ANKRD44: variants seen among roughly 807,000 people sequenced by gnomAD.
ANKRD44 encodes the protein serine/threonine-protein phosphatase 6 regulatory ankyrin repeat subunit B.
ANKRD44 carries 35 observed loss-of-function variants against 116.0 expected under a neutral mutation model. The observed-to-expected ratio is 0.30, with a 90% confidence interval of 0.23 to 0.40. The LOEUF (loss-of-function observed/expected upper bound fraction) is 0.40. Among genes scored for constraint, ANKRD44 ranks in the 10% least tolerant of loss-of-function variants. ANKRD44 has a pLI of 1.00. For synonymous variants in ANKRD44, 435 were observed against 461.8 expected, an observed-to-expected ratio of 0.94 and a Z score of 0.74; for missense variants, 1,014 against 1,242.6, an observed-to-expected ratio of 0.82 and a Z score of 2.77.
chr2:197,103,482 C>T (rs2078351509), intron 9 of ANKRD44, among the ~76,000 whole-genome samples: 1 of 152,012 alleles, frequency 6.6e-6, no homozygotes, highest in Non-Finnish European at 1.5e-5. Context: ...ACAGCCTGAA[C>T]AAATTCACAG....
chr2:197,110,023 C>G (rs895480263), intron 9 of ANKRD44, among the ~76,000 whole-genome samples: 3 of 151,844 alleles, frequency 2.0e-5, no homozygotes, highest in Non-Finnish European at 2.9e-5. Flanking sequence ...GTCACCCAGG[C>G]TAGAGTGCAA....
At chr2:197,163,699 C>T (rs2080026458) in intron 2 of ANKRD44, among the ~76,000 whole-genome samples, 1 of 152,144 alleles carries the variant, frequency 6.6e-6, no homozygotes, top group African/African-American at 2.4e-5. Flanking sequence ...AGTGCAGTGG[C>T]TCACTGCAAC....
Position 197,058,386 on chromosome 2 carries a change from A to G in ANKRD44, c.1650+20317T>C, listed in dbSNP as rs1000431863. On this transcript the variant is annotated intron_variant, in intron 16 of 27. Coordinates refer to ENST00000282272, the MANE Select transcript of ANKRD44 (RefSeq NM_001195144.2). ...TCACAGAGGTGTTCTCCCCGCATTT[A>G]GGCTGTGAATCTTTTTTTTTTTTTT... 4.5e-5 allele frequency among the ~76,000 whole-genome samples: 6 copies of G among 133,928 alleles called. No individual in the cohort carries two copies. The East Asian group carries it at 9.4e-4, about 21-fold the overall frequency. 87.9% of individuals were successfully genotyped at this position (133,928 alleles called of 152,430 possible). A position where few individuals can be genotyped will look rare whatever the true frequency, so the allele number is the denominator to read the frequency against.
intron 16 of ANKRD44, among the ~76,000 whole-genome samples, chr2:197,043,497 C>A (rs541532854): frequency 6.4e-4 from 97 of 152,196 alleles, no homozygotes; most frequent in African/African-American, 2.2e-3. Context: ...CATGAGCCAC[C>A]CTGACGAGGC....
chr2:196,983,632 C>T (rs186410340), downstream of ANKRD44, among the ~76,000 whole-genome samples: 537 of 152,278 alleles, frequency 3.5e-3, 4 homozygotes, highest in African/African-American at 0.012. Context: ...GCTTTTTGTG[C>T]TCTAAAAGTA....
intron 16 of ANKRD44, among the ~76,000 whole-genome samples, chr2:197,061,273 A>C (rs1351837193): frequency 6.6e-6 from 1 of 152,194 alleles, no homozygotes; most frequent in Non-Finnish European, 1.5e-5. Context: ...GCTTTCAAGC[A>C]TATCACACAG....
chr2:197,125,611 T>C (rs2078957572), intron 5 of ANKRD44, 143 bp from the exon 6 acceptor site: 2 of 901,536 alleles, frequency 2.2e-6, no homozygotes, highest in East Asian at 2.5e-5. Context: ...AGAAATATGA[T>C]GTCAGAGCAG....
In ANKRD44 at chr2:197,291,392, T is replaced by C. The variant is rs548069512; in HGVS notation, c.27+19186A>G. On this transcript the variant is annotated intron_variant, in intron 1 of 27. Transcript: ENST00000282272. ...GGGCATGGTGGTGGGCCCCTGTAATTCCAGCTACTTGGGAGGCTGAGGCAG... is the reference window on the plus strand; with the variant it reads ...GGGCATGGTGGTGGGCCCCTGTAATCCCAGCTACTTGGGAGGCTGAGGCAG... Among the ~76,000 whole-genome samples, 5 of 151,942 alleles carry C rather than the reference T, an allele frequency of 3.3e-5. No individual in the cohort carries two copies. The East Asian group carries it at 9.7e-4, about 29-fold the overall frequency.
intron 16 of ANKRD44, among the ~76,000 whole-genome samples, chr2:197,075,548 A>G (rs1282172598): frequency 6.6e-6 from 1 of 152,220 alleles, no homozygotes; most frequent in Non-Finnish European, 1.5e-5. Flanking sequence ...TCTTTGATCA[A>G]GACCAGCTGA....
intron 1 of ANKRD44, among the ~76,000 whole-genome samples, chr2:197,276,337 T>C (rs1008924894): frequency 5.4e-4 from 81 of 149,618 alleles, no homozygotes; most frequent in African/African-American, 1.9e-3. Flanking sequence ...TTTTACACCA[T>C]CTCTAAAAAT....
intron 21 of ANKRD44, among the ~76,000 whole-genome samples, 178 bp downstream of exon 21, chr2:197,005,516 C>T (rs994916666): frequency 2.0e-5 from 3 of 152,106 alleles, no homozygotes; most frequent in Non-Finnish European, 4.4e-5. Context: ...ATCACAGCAG[C>T]TGTGGAGGGG....
intron 1 of ANKRD44, among the ~76,000 whole-genome samples, chr2:197,249,536 G>A (rs1180062024): frequency 6.6e-6 from 1 of 152,156 alleles, no homozygotes; most frequent in African/African-American, 2.4e-5. Context: ...ATTTATTTTA[G>A]AGATGTAATT....
rs193060828 is a variant in ANKRD44, at chr2:197,128,275, C to T, written c.262-2238G>A. 2.6e-5 allele frequency among the ~76,000 whole-genome samples: 4 copies of T among 152,322 alleles called. No homozygotes were observed. The East Asian group carries it at 7.7e-4, about 29-fold the overall frequency. ...TCCCACCAACAGTGCAAAAGCTTTC[C>T]TTTTTCTCTGCAACCTCACCAGCAT... is the stretch of plus-strand genomic sequence containing the variant. On this transcript the variant is annotated intron_variant, in intron 4 of 27. Transcript: ENST00000282272.
At chr2:197,159,183 C>T (rs899368931) in intron 2 of ANKRD44, among the ~76,000 whole-genome samples, 2 of 152,222 alleles carry the variant, frequency 1.3e-5, no homozygotes, top group Admixed American at 6.5e-5. Flanking sequence ...AGAACAGTTT[C>T]TGTGGTCCAC....
intron 22 of ANKRD44, among the ~76,000 whole-genome samples, chr2:197,001,239 C>G (rs953742663): frequency 2.5e-4 from 38 of 152,328 alleles, no homozygotes; most frequent in Non-Finnish European, 5.0e-4. Flanking sequence ...AACAGACTCC[C>G]AGGCTGACTA....
chr2:197,158,388 A>C (rs1318921117), intron 2 of ANKRD44, among the ~76,000 whole-genome samples: 1 of 152,226 alleles, frequency 6.6e-6, no homozygotes, highest in African/African-American at 2.4e-5. Context: ...TGCTCTAACC[A>C]GTGAGGCGAG....
chr2:197,226,779 T>C (rs2081727926), intron 1 of ANKRD44, among the ~76,000 whole-genome samples: 1 of 152,198 alleles, frequency 6.6e-6, no homozygotes, highest in African/African-American at 2.4e-5. Context: ...TTAAGTGACA[T>C]TCCTGAAGTC....
intron 16 of ANKRD44, among the ~76,000 whole-genome samples, chr2:197,074,495 G>C (rs1389557994): frequency 6.6e-6 from 1 of 152,036 alleles, no homozygotes; most frequent in Non-Finnish European, 1.5e-5. Flanking sequence ...TCTAAGAGAT[G>C]GGGTCTTGTT....
intron 16 of ANKRD44, among the ~76,000 whole-genome samples, chr2:197,040,580 T>C (rs2076893083): frequency 6.6e-6 from 1 of 152,084 alleles, no homozygotes; most frequent in Non-Finnish European, 1.5e-5. Context: ...TTTCACCATG[T>C]TGGCCAAGCT....
Sources: allele counts gnomAD v4.1 joint callset (sites outside exome capture counted in the v4.1 genomes callset), GRCh38; gene constraint gnomAD v4.1.1; transcripts MANE v1.5; gene names NCBI Gene and HGNC (gene_info 2026-07-23, HGNC 2026-07-21).